CNGB3: variants seen among roughly 807,000 people sequenced by gnomAD.
CNGB3 encodes the protein cyclic nucleotide gated channel subunit beta 3.
In CNGB3, 86 loss-of-function variants were observed where a neutral mutation model predicts 92.8. The ratio of observed to expected loss-of-function variants is 0.93; its 90% CI spans 0.78 to 1.11. CNGB3 has a LOEUF of 1.11. CNGB3 is among the 50% of genes least tolerant of loss of function. The pLI is 0.00. For missense variants in CNGB3, 1,026 were observed against 956.8 expected, an observed-to-expected ratio of 1.07 and a Z score of -0.95; for synonymous variants, 333 against 332.7, an observed-to-expected ratio of 1.00 and a Z score of -0.01.
intron 2 of CNGB3, among the ~76,000 whole-genome samples, chr8:86,734,217 C>T (rs566126961): frequency 4.6e-5 from 7 of 152,132 alleles, no homozygotes; most frequent in South Asian, 2.1e-4. Context: ...CTTTAGATTA[C>T]GCCCAAAGTG....
intron 3 of CNGB3, among the ~76,000 whole-genome samples, chr8:86,676,602 G>C (rs567957113): frequency 6.6e-6 from 1 of 152,180 alleles, no homozygotes. Flanking sequence ...TTGAAGAAGG[G>C]AGATAATCAA....
intron 10 of CNGB3, among the ~76,000 whole-genome samples, chr8:86,640,755 G>A (rs147156813): frequency 1.8e-5 from 2 of 111,230 alleles, no homozygotes; most frequent in East Asian, 5.8e-4. Flanking sequence ...ATTATATGGT[G>A]AACTTTTTCT....
intron 1 of CNGB3, among the ~76,000 whole-genome samples, chr8:86,740,508 T>G (rs1402534899): frequency 6.6e-6 from 1 of 152,156 alleles, no homozygotes; most frequent in Non-Finnish European, 1.5e-5. Context: ...AGGCAGATGA[T>G]GCAGGTTTAG....
rs34942527 is a variant in CNGB3 at position 86,684,656 on chromosome 8, C to CA, written c.339-13559dup. The stretch of plus-strand genomic sequence containing the variant: ...AGTTCATGTCATGGAATACTTAAGC[C>CA]AAAAAAAAAAAAAAAGGAATAAACT... On this transcript the variant is annotated intron_variant, in intron 3 of 17. Transcript: ENST00000320005. Among the ~76,000 whole-genome samples, 749 of 122,510 alleles carry CA rather than the reference C, an allele frequency of 6.1e-3. 8 individuals carry two copies. Among genetic ancestry groups the CA allele is most frequent in the African/African-American group, 0.011 (374 of 34,228 alleles). 80.4% of individuals were successfully genotyped at this position (122,510 alleles called of 152,430 possible). A position where few individuals can be genotyped will look rare whatever the true frequency, so the allele number is the denominator to read the frequency against.
chr8:86,608,780 T>C (rs1347128513), intron 14 of CNGB3, among the ~76,000 whole-genome samples: 22 of 152,344 alleles, frequency 1.4e-4, no homozygotes, highest in Admixed American at 1.4e-3. Flanking sequence ...CCCTGTCCAG[T>C]GGACATGTGA....
At chr8:86,704,847 A>G (rs187813626) in intron 3 of CNGB3, among the ~76,000 whole-genome samples, 16 of 152,316 alleles carry the variant, frequency 1.1e-4, no homozygotes, top group African/African-American at 3.4e-4. Context: ...TAGGAGTTTC[A>G]AACAACTAAT....
chr8:86,678,851 CA>C, intron 3 of CNGB3, among the ~76,000 whole-genome samples: 2 of 152,276 alleles, frequency 1.3e-5, no homozygotes, highest in South Asian at 4.1e-4. Flanking sequence ...TAACCAATGG[CA>C]ACCCTTCCAA....
chr8:86,591,271 T>G (rs1822029363), intron 15 of CNGB3, among the ~76,000 whole-genome samples: 1 of 147,912 alleles, frequency 6.8e-6, no homozygotes. Context: ...TCAACTTCTT[T>G]GCCTTTGGTT....
chr8:86,581,206 T>C (rs1821757847), intron 15 of CNGB3, among the ~76,000 whole-genome samples: 1 of 152,160 alleles, frequency 6.6e-6, no homozygotes, highest in African/African-American at 2.4e-5. Context: ...CCCCCAAATC[T>C]GGAGAGAGAG....
At chr8:86,656,584 T>C (rs1048656807) in intron 6 of CNGB3, among the ~76,000 whole-genome samples, 2 of 152,166 alleles carry the variant, frequency 1.3e-5, no homozygotes, top group African/African-American at 4.8e-5. Flanking sequence ...ATTATACCAG[T>C]GACATTTCTT....
At chr8:86,702,726 C>T (rs764811711) in intron 3 of CNGB3, among the ~76,000 whole-genome samples, 2 of 152,072 alleles carry the variant, frequency 1.3e-5, no homozygotes, top group Non-Finnish European at 1.5e-5. Context: ...AATGCTTGCA[C>T]ATTTACTTAT....
At position 86,574,778 on chromosome 8, in the gene CNGB3, G is replaced by C. The variant is rs1013398464; in HGVS notation, c.*1026C>G. 2 of 152,154 alleles carry C rather than the reference G, an allele frequency of 1.3e-5. No homozygotes were observed. The highest frequency in any genetic ancestry group is 4.8e-5 in the African/African-American group (2 of 41,436). 9.4% of individuals were successfully genotyped at this position (152,154 alleles called of 1,614,324 possible). A position where few individuals can be genotyped will look rare whatever the true frequency, so the allele number is the denominator to read the frequency against. ...CACAGCATGCAACGTCGGTAATTAT[G>C]CTAATGCTAGCTAATTCATGAGGAC... On this transcript the variant is annotated 3_prime_UTR_variant, in exon 18 of 18. Transcript: ENST00000320005.
intron 12 of CNGB3, among the ~76,000 whole-genome samples, chr8:86,628,269 T>C (rs1400300658): frequency 2.0e-5 from 3 of 152,106 alleles, no homozygotes; most frequent in South Asian, 2.1e-4. Context: ...CTAGTAGAGA[T>C]GGAGTTTTGC....
intron 15 of CNGB3, among the ~76,000 whole-genome samples, chr8:86,593,381 A>G (rs1026471564): frequency 1.3e-5 from 2 of 152,242 alleles, no homozygotes; most frequent in East Asian, 1.9e-4. Flanking sequence ...GTATCAAAGA[A>G]GCCTATACTA....
intron 15 of CNGB3, among the ~76,000 whole-genome samples, chr8:86,597,322 C>A (rs1415610530): frequency 6.6e-6 from 1 of 152,138 alleles, no homozygotes; most frequent in Non-Finnish European, 1.5e-5. Context: ...GGGTTCCTGC[C>A]CTCCCGGTTC....
intron 11 of CNGB3, among the ~76,000 whole-genome samples, chr8:86,629,584 G>C (rs1453178160): frequency 1.3e-5 from 2 of 152,158 alleles, no homozygotes; most frequent in Admixed American, 6.6e-5. Context: ...ATCCAGTGTG[G>C]CTGGCTATAT....
intron 15 of CNGB3, among the ~76,000 whole-genome samples, chr8:86,583,921 CAAAAAA>C (rs71574285): frequency 4.9e-5 from 3 of 61,182 alleles, no homozygotes; most frequent in East Asian, 6.4e-4. Context: ...GACCTTGTCT[CAAAAAA>C]AAAAAAAAAA....
At chr8:86,737,384 A>G (rs1825266701) in intron 2 of CNGB3, among the ~76,000 whole-genome samples, 1 of 152,168 alleles carries the variant, frequency 6.6e-6, no homozygotes, top group Non-Finnish European at 1.5e-5. Context: ...AGTTTATTCT[A>G]CATATGTCTG....
intron 13 of CNGB3, among the ~76,000 whole-genome samples, chr8:86,616,586 T>G (rs1017072576): frequency 1.3e-5 from 2 of 152,158 alleles, no homozygotes; most frequent in Non-Finnish European, 2.9e-5. Context: ...GTTAGGAAAT[T>G]TTCTGATGTA....
Sources: allele counts gnomAD v4.1 joint callset (sites outside exome capture counted in the v4.1 genomes callset), GRCh38; gene constraint gnomAD v4.1.1; transcripts MANE v1.5; gene names NCBI Gene and HGNC (gene_info 2026-07-23, HGNC 2026-07-21).